BAG3: variants seen among roughly 807,000 people sequenced by gnomAD.
BAG3 encodes BAG cochaperone 3, also known as BAG family molecular chaperone regulator 3.
Under a neutral mutation model 40.5 loss-of-function variants are expected in BAG3, and 14 were observed. That is an observed-to-expected ratio of 0.35 (90% CI 0.23 to 0.54). The LOEUF is 0.54. Ranked by LOEUF, BAG3 falls within the 20% of genes least tolerant of loss-of-function variation. The probability of loss-of-function intolerance (pLI) is 0.91; values close to 1 mark genes in which losing one functional copy is unlikely to be tolerated. For missense variants in BAG3, 788 were observed against 758.6 expected, an observed-to-expected ratio of 1.04 and a Z score of -0.46; for synonymous variants, 302 against 307.8, an observed-to-expected ratio of 0.98 and a Z score of 0.20.
chr10:119,675,867 TGCCCCCTTCTCC>T (rs1237383534), intron 3 of BAG3, among the ~76,000 whole-genome samples: 1 of 56,576 alleles, frequency 1.8e-5, no homozygotes, highest in African/African-American at 8.8e-5. Context: ...CCTTCCCCCT[TGCCCCCTTCTCC>T]CCTTCCTTCC....
chr10:119,676,150 T>G (rs997641509), intron 3 of BAG3, among the ~76,000 whole-genome samples: 2 of 151,450 alleles, frequency 1.3e-5, no homozygotes, highest in Non-Finnish European at 2.9e-5. Context: ...TTAGCTATTT[T>G]CATTTTTGAA....
intron 1 of BAG3, among the ~76,000 whole-genome samples, chr10:119,660,265 A>G (rs1846975088): frequency 6.6e-6 from 1 of 152,202 alleles, no homozygotes; most frequent in Non-Finnish European, 1.5e-5. Flanking sequence ...GAGATGTGTC[A>G]AGGAACCACA....
intron 1 of BAG3, among the ~76,000 whole-genome samples, chr10:119,669,209 C>T (rs936490820): frequency 2.0e-5 from 3 of 152,192 alleles, no homozygotes; most frequent in African/African-American, 4.8e-5. Flanking sequence ...AGCAGAGAAT[C>T]TTTGTCAGTT....
intron 1 of BAG3, among the ~76,000 whole-genome samples, chr10:119,652,623 A>C (rs1322497521): frequency 2.6e-5 from 4 of 152,206 alleles, no homozygotes; most frequent in Non-Finnish European, 5.9e-5. Flanking sequence ...TTGCCTTACC[A>C]CATTGCCTCA....
chr10:119,665,504 C>T (rs1272886768), intron 1 of BAG3, among the ~76,000 whole-genome samples: 1 of 151,964 alleles, frequency 6.6e-6, no homozygotes, highest in African/African-American at 2.4e-5. Context: ...GTCTTGAACT[C>T]CTGACCTCAG....
chr10:119,675,602 C>T (rs1023880373), intron 3 of BAG3, among the ~76,000 whole-genome samples: 1 of 152,086 alleles, frequency 6.6e-6, no homozygotes, highest in Non-Finnish European at 1.5e-5. Context: ...AAGATCACAC[C>T]GTGAGCAGAC....
At chr10:119,661,182 C>A (rs190945310) in intron 1 of BAG3, among the ~76,000 whole-genome samples, 30 of 152,280 alleles carry the variant, frequency 2.0e-4, no homozygotes, top group Admixed American at 6.5e-4. Flanking sequence ...ATTGCTTGAA[C>A]TCGGGAGGCG....
intron 1 of BAG3, among the ~76,000 whole-genome samples, chr10:119,653,562 C>T (rs574584476): frequency 6.6e-6 from 1 of 152,230 alleles, no homozygotes; most frequent in Admixed American, 6.5e-5. Flanking sequence ...TTTCATAAAC[C>T]TTATTAAAAG....
intron 1 of BAG3, among the ~76,000 whole-genome samples, chr10:119,665,145 T>TTTTTTTTTTC (rs1847046731): frequency 1.1e-5 from 1 of 91,092 alleles, no homozygotes; most frequent in African/African-American, 4.8e-5. Context: ...TATATATATA[T>TTTTTTTTTTC]TTTTTTTTTT....
At chr10:119,660,366 G>A (rs972868495) in intron 1 of BAG3, among the ~76,000 whole-genome samples, 12 of 152,180 alleles carry the variant, frequency 7.9e-5, no homozygotes, top group Middle Eastern at 3.2e-3. Flanking sequence ...TTGGAGAGGT[G>A]GGTCGTTTAG....
intron 3 of BAG3, 66 bp from the exon 4 acceptor site, chr10:119,676,398 A>G: frequency 6.5e-7 from 1 of 1,546,330 alleles, no homozygotes; most frequent in Admixed American, 1.7e-5. Context: ...AATCTGTACT[A>G]GCTACAAACA....
chr10:119,655,519 T>C (rs895630332), intron 1 of BAG3, among the ~76,000 whole-genome samples: 1 of 152,194 alleles, frequency 6.6e-6, no homozygotes, highest in Admixed American at 6.5e-5. Context: ...CAGCAGAGCC[T>C]CCTGAATTTT....
intron 1 of BAG3, among the ~76,000 whole-genome samples, chr10:119,668,461 C>G (rs1413143357): frequency 2.0e-5 from 3 of 152,256 alleles, no homozygotes; most frequent in Non-Finnish European, 4.4e-5. Flanking sequence ...AAAGATCACT[C>G]CCCTTCTTAA....
Position 119,672,210 on chromosome 10 carries a change from G to A in BAG3, c.508-45G>A, listed in dbSNP as rs1214680304. 6.2e-7 allele frequency: 1 copy of A among 1,608,402 alleles called. No homozygotes were observed. Among genetic ancestry groups the A allele is most frequent in the Non-Finnish European group, 8.5e-7 (1 of 1,179,882 alleles). ...GGCGTGGTCAGGATGCCAAGCCAGG[G>A]GAGTCATTTGTGGGGTCATGCCCTC... On this transcript the variant is annotated intron_variant, in intron 2 of 3. Coordinates refer to ENST00000369085, the MANE Select transcript of BAG3 (RefSeq NM_004281.4). The surrounding 1 kb of genome is among the most constrained non-coding windows in gnomAD (Gnocchi z 4.8).
intron 1 of BAG3, chr10:119,657,569 G>C: frequency 4.2e-6 from 2 of 471,126 alleles, no homozygotes; most frequent in Non-Finnish European, 8.8e-6. Context: ...AAGGATGCAG[G>C]TGTGTCCCGG....
Position 119,657,175 on chromosome 10 carries a change from C to T in BAG3, c.180+5320C>T, listed in dbSNP as rs181623205. On this transcript the variant is annotated intron_variant, in intron 1 of 3. Transcript: ENST00000369085. ...AGATGGGCCCGACTCTTTACTCACT[C>T]CTTTACCCCATCTGAAATTCACTGA... Among the ~76,000 whole-genome samples the T allele has an allele frequency of 3.1e-4, 47 of 152,248 alleles. 2 individuals carry two copies. Among genetic ancestry groups the T allele is most frequent in the African/African-American group, 1.1e-3 (44 of 41,534 alleles).
Position 119,651,608 on chromosome 10 carries a change from G to T in BAG3, c.-68G>T. 1 of 1,372,384 alleles carries T rather than the reference G, an allele frequency of 7.3e-7. No individual in the cohort carries two copies. The highest frequency in any genetic ancestry group is 9.5e-7 in the Non-Finnish European group (1 of 1,057,228). The allele number at this position is 1,372,384 out of a possible 1,614,324, so 85.0% of individuals were successfully genotyped here. ...GGAGAGGGGCCCACGGCGGCGGCCC[G>T]GCCAGAGACTCGGCGCCCGGAGCCA... On this transcript the variant is annotated 5_prime_UTR_variant, in exon 1 of 4. Transcript: ENST00000369085.
At chr10:119,654,435 GA>G (rs1254652353) in intron 1 of BAG3, among the ~76,000 whole-genome samples, 1 of 152,236 alleles carries the variant, frequency 6.6e-6, no homozygotes, top group African/African-American at 2.4e-5. Flanking sequence ...AAAATGGAAA[GA>G]AAAGACTAGA....
intron 1 of BAG3, among the ~76,000 whole-genome samples, chr10:119,666,586 C>CGAGGTGCTCAGCAAGATGCAT (rs1371875532): frequency 2.4e-5 from 3 of 125,490 alleles, no homozygotes; most frequent in Non-Finnish European, 1.8e-5. Flanking sequence ...GCGAGATGCA[C>CGAGGTGCTCAGCAAGATGCAT]GAGGTGCTCA....
Sources: gnomAD v4.1 joint callset for allele counts (sites outside exome capture counted in the v4.1 genomes callset) on GRCh38, gnomAD v4.1.1 for gene constraint, Gnocchi (gnomAD v3.1) non-coding constraint, MANE v1.5 for transcripts, NCBI Gene and HGNC (gene_info 2026-07-23, HGNC 2026-07-21) for gene names.